MTMR7: variants seen among roughly 807,000 people sequenced by gnomAD.
MTMR7 encodes phosphatidylinositol-3-phosphate phosphatase MTMR7.
Under a neutral mutation model 81.2 loss-of-function variants are expected in MTMR7, and 76 were observed. The observed-to-expected ratio is 0.94, with a 90% confidence interval of 0.78 to 1.13. The LOEUF is 1.13. Among genes scored for constraint, MTMR7 ranks in the 50% most tolerant of loss-of-function variants. The pLI, the probability that MTMR7 is intolerant of heterozygous loss-of-function variation, is 0.00. For synonymous variants in MTMR7, 372 were observed against 289.8 expected (o/e 1.28, Z -2.88); for missense variants, 1,044 against 820.0 (o/e 1.27, Z -3.34).
Position 17,304,746 on chromosome 8 carries a change from C to CGTGTGTGTGTGTGT in MTMR7, c.1353-241_1353-228dup, listed in dbSNP as rs10527892. ...ACTGGCCTTGACAAGGTGTTCGATT[C>CGTGTGTGTGTGTGT]GTGTGTGTGTGTGTGTGTGTGTTAA... On this transcript the variant is annotated intron_variant, in intron 11 of 13. Coordinates refer to ENST00000180173, the MANE Select transcript of MTMR7 (RefSeq NM_004686.5). Among the ~76,000 whole-genome samples the CGTGTGTGTGTGTGT allele has an allele frequency of 2.6e-3, 381 of 147,068 alleles. 1 individual carries two copies. The highest frequency in any genetic ancestry group is 2.8e-3 in the Admixed American group (42 of 14,890).
intron 5 of MTMR7, among the ~76,000 whole-genome samples, chr8:17,341,746 G>C (rs565666304): frequency 6.6e-6 from 1 of 152,164 alleles, no homozygotes; most frequent in Non-Finnish European, 1.5e-5. Context: ...TTTAGATAGG[G>C]TCTAAGTTAT....
chr8:17,308,667 G>A (rs1042609968), intron 10 of MTMR7, among the ~76,000 whole-genome samples: 13 of 152,098 alleles, frequency 8.5e-5, no homozygotes, highest in Admixed American at 5.2e-4. Context: ...CACAATACAG[G>A]CATCAACACT....
Position 17,408,112 on chromosome 8 carries a change from C to CTTTCTTTCTTT in MTMR7, c.24+5156_24+5157insAAAGAAAGAAA, listed in dbSNP as rs1359935292. Among the ~76,000 whole-genome samples, 62 of 122,730 alleles carry CTTTCTTTCTTT rather than the reference C, an allele frequency of 5.1e-4. 1 individual carries two copies. Among genetic ancestry groups the CTTTCTTTCTTT allele is most frequent in the Admixed American group, 9.0e-4 (9 of 9,966 alleles). The allele number at this position is 122,730 out of a possible 152,430, so 80.5% of individuals were successfully genotyped here. A position where few individuals can be genotyped will look rare whatever the true frequency, so the allele number is the denominator to read the frequency against. On this transcript the variant is annotated intron_variant, in intron 1 of 13. Coordinates refer to ENST00000180173, the MANE Select transcript of MTMR7 (RefSeq NM_004686.5). ...ATCAGCAAGAACATCATGGAGAGGC[C>CTTTCTTTCTTT]GGGCGCGGTGGCTCACGCCTGTAAT...
At position 17,341,373 on chromosome 8, in the gene MTMR7, G is replaced by A; in HGVS notation, c.722C>T (p.Thr241Ile). 1 of 1,614,150 alleles carries A rather than the reference G, an allele frequency of 6.2e-7. No individual in the cohort carries two copies. The highest frequency in any genetic ancestry group is 1.1e-5 in the South Asian group (1 of 91,078). ...PGSDFVYVVD[T>I]RPKLNAMANR... ...AACGGTGACACTTACTTTAGGCCGG[G>A]TGTCAACGACATAAACGAAGTCACT... Residue 241 changes from threonine (T) to isoleucine (I), a missense_variant, in exon 6 of 14, where the codon ACC (threonine) becomes ATC (isoleucine). Transcript: ENST00000180173.
chr8:17,318,387 G>A (rs1392132041), intron 7 of MTMR7, among the ~76,000 whole-genome samples: 1 of 152,118 alleles, frequency 6.6e-6, no homozygotes, highest in African/African-American at 2.4e-5. Context: ...CAGCGTTCAT[G>A]ATAATGGCTA....
chr8:17,300,075 TG>T lies in MTMR7; in HGVS notation c.1769del (p.Pro590HisfsTer14), dbSNP rs1446828484. ...QDYSGNMKSF[P>X]SRSPSQGDED... ...CATCGCCTTGTGAAGGGCTCCGGGA[TG>T]GAAATGATTTCATATTCCCACTGTA... On this transcript the variant is annotated frameshift_variant, in exon 14 of 14. Coordinates refer to ENST00000180173, the MANE Select transcript of MTMR7 (RefSeq NM_004686.5). LOFTEE classifies it high-confidence loss of function. 1 of 1,614,184 alleles carries T rather than the reference TG, an allele frequency of 6.2e-7. No individual in the cohort carries two copies. Among genetic ancestry groups the T allele is most frequent in the Non-Finnish European group, 8.5e-7 (1 of 1,180,026 alleles).
chr8:17,331,083 T>C (rs999535635), intron 7 of MTMR7, 67 bp downstream of exon 7: 7 of 1,544,922 alleles, frequency 4.5e-6, no homozygotes, highest in Non-Finnish European at 6.1e-6. Context: ...ATCAAGACTA[T>C]CTTATTCCCT....
intron 3 of MTMR7, 85 bp downstream of exon 3, chr8:17,370,952 T>TC: frequency 7.2e-7 from 1 of 1,387,136 alleles, no homozygotes; most frequent in Non-Finnish European, 1.0e-6. Flanking sequence ...CCCCTATCAT[T>TC]CCTAAGCACC....
chr8:17,357,740 C>T (rs1052983052), intron 4 of MTMR7, among the ~76,000 whole-genome samples: 78 of 152,138 alleles, frequency 5.1e-4, no homozygotes, highest in African/African-American at 1.8e-3. Context: ...AAACTGCAGA[C>T]ATTGATGCTG....
rs533289833 is a variant in MTMR7 at position 17,301,365 on chromosome 8, A to C, written c.1620+789T>G. Among the ~76,000 whole-genome samples the C allele has an allele frequency of 3.3e-5, 5 of 152,348 alleles. No homozygotes were observed. The South Asian group carries it at 1.0e-3, about 32-fold the overall frequency. On this transcript the variant is annotated intron_variant, in intron 13 of 13. Coordinates refer to ENST00000180173, the MANE Select transcript of MTMR7 (RefSeq NM_004686.5). The stretch of plus-strand genomic sequence containing the variant: ...GAACATTTTAACAGGACTGTGAAAG[A>C]TTTAAACTTGGACATTCTGGTGATA...
chr8:17,304,344 T>C (rs369418367), intron 12 of MTMR7, 35 bp downstream of exon 12: 46 of 1,598,410 alleles, frequency 2.9e-5, no homozygotes, highest in Non-Finnish European at 3.9e-5. Flanking sequence ...TCCAAGTTCA[T>C]ACCATGGCTA....
intron 5 of MTMR7, among the ~76,000 whole-genome samples, chr8:17,345,599 C>A (rs1305838924): frequency 6.6e-6 from 1 of 152,236 alleles, no homozygotes; most frequent in East Asian, 1.9e-4. Context: ...TCCCTCACCA[C>A]AGGGGTGAAA....
chr8:17,394,054 T>A (rs1192300247), intron 1 of MTMR7, among the ~76,000 whole-genome samples: 1 of 152,204 alleles, frequency 6.6e-6, no homozygotes, highest in East Asian at 1.9e-4. Context: ...CAACAAGTGT[T>A]GGTGAGGATA....
At chr8:17,326,257 G>C (rs909674105) in intron 7 of MTMR7, 7 of 152,106 alleles carry the variant, frequency 4.6e-5, no homozygotes, top group African/African-American at 1.4e-4. Context: ...GCTGAAACAG[G>C]TTTCTCAGGC....
chr8:17,336,398 T>C (rs553988027), intron 6 of MTMR7, among the ~76,000 whole-genome samples: 9 of 152,232 alleles, frequency 5.9e-5, no homozygotes, highest in African/African-American at 2.2e-4. Flanking sequence ...CCACGGCCAC[T>C]GGACACTGCC....
chr8:17,337,986 A>G (rs17587400), intron 6 of MTMR7, among the ~76,000 whole-genome samples: 14,661 of 152,250 alleles, frequency 0.096, 985 homozygotes, highest in Non-Finnish European at 0.15. Flanking sequence ...CCTGTGAGCA[A>G]ACCTGAGAAG....
At chr8:17,322,268 T>C (rs774984900) in intron 7 of MTMR7, among the ~76,000 whole-genome samples, 2 of 152,230 alleles carry the variant, frequency 1.3e-5, no homozygotes, top group Admixed American at 6.5e-5. Flanking sequence ...AAGAGGACTT[T>C]ATTATGGCCT....
intron 11 of MTMR7, among the ~76,000 whole-genome samples, 198 bp downstream of exon 11, chr8:17,305,559 G>C (rs1459626851): frequency 6.6e-6 from 1 of 152,104 alleles, no homozygotes; most frequent in East Asian, 1.9e-4. Context: ...AGGAAAAAAT[G>C]AAACTATTTA....
chr8:17,385,255 C>T (rs1195303785), intron 1 of MTMR7, among the ~76,000 whole-genome samples: 1 of 151,922 alleles, frequency 6.6e-6, no homozygotes, highest in Non-Finnish European at 1.5e-5. Flanking sequence ...GGCAGTTTCT[C>T]CTGAATGGCT....
Sources: allele counts gnomAD v4.1 joint callset (sites outside exome capture counted in the v4.1 genomes callset), GRCh38; gene constraint gnomAD v4.1.1; transcripts MANE v1.5; gene names NCBI Gene and HGNC (gene_info 2026-07-23, HGNC 2026-07-21).